The following CIMIP6 variants were observed in gnomAD, a reference collection of about 807,000 sequenced individuals.
CIMIP6 encodes the protein uncharacterized protein C2orf73.
At chr2:54,338,611 C>T in the CIMIP6 span, among the ~76,000 whole-genome samples, 2 of 74,654 alleles carry the variant, frequency 2.7e-5, 1 homozygote, top group Non-Finnish European at 7.0e-5. Flanking sequence ...AACTGGTTGA[C>T]GGTAATGCTG....
chr2:54,335,766 G>A, the CIMIP6 span, among the ~76,000 whole-genome samples: 80 of 152,236 alleles, frequency 5.3e-4, 1 homozygote, highest in African/African-American at 1.7e-3. Flanking sequence ...TCCAAAATCC[G>A]TCTCACTGAC....
the CIMIP6 span, among the ~76,000 whole-genome samples, chr2:54,332,293 T>C: frequency 6.6e-6 from 1 of 152,254 alleles, no homozygotes; most frequent in Non-Finnish European, 1.5e-5. Context: ...TATTTTATTA[T>C]TGTCCTTAGC....
chr2:54,371,701 G>T, the CIMIP6 span, among the ~76,000 whole-genome samples: 2 of 152,242 alleles, frequency 1.3e-5, no homozygotes, highest in Non-Finnish European at 2.9e-5. Flanking sequence ...TCTCCTGGGA[G>T]GACAGCTTCA....
At chr2:54,373,297 C>A in the CIMIP6 span, among the ~76,000 whole-genome samples, 2 of 151,328 alleles carry the variant, frequency 1.3e-5, no homozygotes, top group Admixed American at 1.3e-4. Flanking sequence ...GCTTGTGTTT[C>A]TTTCCTTCCT....
At chr2:54,361,535 C>A in the CIMIP6 span, 1 of 152,192 alleles carries the variant, frequency 6.6e-6, no homozygotes, top group Non-Finnish European at 1.5e-5. Flanking sequence ...ACAGCTATAT[C>A]TTTATCCATT....
chr2:54,359,065 C>G, the CIMIP6 span: 4 of 1,489,674 alleles, frequency 2.7e-6, no homozygotes, highest in Non-Finnish European at 3.6e-6. Flanking sequence ...ATGAGCCTCT[C>G]CAGGGAAAGG....
At chr2:54,334,075 A>G in the CIMIP6 span, among the ~76,000 whole-genome samples, 1 of 152,156 alleles carries the variant, frequency 6.6e-6, no homozygotes, top group South Asian at 2.1e-4. Flanking sequence ...AAAAGCTTCT[A>G]TGTAAAAAGT....
At chr2:54,333,291 G>A in the CIMIP6 span, among the ~76,000 whole-genome samples, 1,531 of 152,332 alleles carry the variant, frequency 0.01, 28 homozygotes, top group African/African-American at 0.035. Context: ...AATACATGTG[G>A]TAGAGGAAAG....
chr2:54,354,578 T>A, the CIMIP6 span, among the ~76,000 whole-genome samples: 1 of 152,084 alleles, frequency 6.6e-6, no homozygotes, highest in South Asian at 2.1e-4. Context: ...TACTATATAG[T>A]TTCTGTTTCT....
chr2:54,363,933 T>C, the CIMIP6 span, among the ~76,000 whole-genome samples: 4 of 152,222 alleles, frequency 2.6e-5, no homozygotes, highest in Admixed American at 6.5e-5. Context: ...TAGAGGAGAA[T>C]GGTCTGGGGT....
chr2:54,336,969 AGACC>A, the CIMIP6 span, among the ~76,000 whole-genome samples: 1 of 152,242 alleles, frequency 6.6e-6, no homozygotes, highest in Non-Finnish European at 1.5e-5. Context: ...CTATGAGAGA[AGACC>A]TAGTACAGTG....
At chr2:54,335,033 G>C in the CIMIP6 span, 2 of 1,573,184 alleles carry the variant, frequency 1.3e-6, no homozygotes, top group East Asian at 4.5e-5. Context: ...AGGTTGGACA[G>C]ATGTTCATTG....
the CIMIP6 span, among the ~76,000 whole-genome samples, chr2:54,352,697 A>G: frequency 6.6e-6 from 1 of 152,172 alleles, no homozygotes; most frequent in African/African-American, 2.4e-5. Flanking sequence ...CAGATGTTCA[A>G]GTTCCTTATA....
the CIMIP6 span, among the ~76,000 whole-genome samples, chr2:54,346,709 A>G: frequency 6.6e-6 from 1 of 152,070 alleles, no homozygotes; most frequent in African/African-American, 2.4e-5. Flanking sequence ...ATAGACCCCA[A>G]ATCTATTCCT....
At chr2:54,377,345 C>G in the CIMIP6 span, among the ~76,000 whole-genome samples, 1 of 152,138 alleles carries the variant, frequency 6.6e-6, no homozygotes, top group East Asian at 1.9e-4. Flanking sequence ...AGTATTTCTA[C>G]CTCAAGAGAA....
the CIMIP6 span, among the ~76,000 whole-genome samples, chr2:54,348,691 G>GTC: frequency 1.3e-5 from 2 of 152,080 alleles, no homozygotes; most frequent in Non-Finnish European, 1.5e-5. Flanking sequence ...ATATAAACTA[G>GTC]TCTATATGTG....
the CIMIP6 span, among the ~76,000 whole-genome samples, chr2:54,331,609 C>T: frequency 6.6e-6 from 1 of 152,114 alleles, no homozygotes; most frequent in African/African-American, 2.4e-5. Flanking sequence ...CTGCTATCAT[C>T]TGCAGTGATA....
the CIMIP6 span, chr2:54,335,125 A>C: frequency 1.1e-6 from 1 of 873,880 alleles, no homozygotes; most frequent in Non-Finnish European, 1.7e-6. Flanking sequence ...CACATCTCAG[A>C]GTAGTACTTA....
At chr2:54,380,382 C>T in the CIMIP6 span, among the ~76,000 whole-genome samples, 6 of 152,182 alleles carry the variant, frequency 3.9e-5, no homozygotes, top group African/African-American at 1.2e-4. Context: ...GACCGCCTCC[C>T]CATGCCGCAT....
Sources: gnomAD v4.1 joint callset for allele counts (sites outside exome capture counted in the v4.1 genomes callset) on GRCh38, gnomAD v4.1.1 for gene constraint, MANE v1.5 for transcripts, NCBI Gene and HGNC (gene_info 2026-07-23, HGNC 2026-07-21) for gene names.